The following PKHD1L1 variants were observed in gnomAD, a reference collection of about 807,000 sequenced individuals.
PKHD1L1 encodes PKHD1 like 1.
A neutral mutation model predicts 462.9 loss-of-function variants in PKHD1L1; 434 were observed. The observed-to-expected ratio is 0.94, with a 90% CI of 0.87 to 1.02. PKHD1L1 has a LOEUF of 1.02. Among genes scored for constraint, PKHD1L1 ranks in the 50% least tolerant of loss-of-function variants. PKHD1L1 has a pLI of 0.00. For synonymous variants in PKHD1L1, 1,781 were observed against 1,750.0 expected, an observed-to-expected ratio of 1.02 and a Z score of -0.44; for missense variants, 5,202 against 5,096.1, an observed-to-expected ratio of 1.02 and a Z score of -0.63.
At chr8:109,519,212 T>A (rs146942386) in intron 73 of PKHD1L1, among the ~76,000 whole-genome samples, 1 of 152,180 alleles carries the variant, frequency 6.6e-6, no homozygotes, top group East Asian at 1.9e-4. Flanking sequence ...TCTGTGTCCC[T>A]CACTTCCTAT....
chr8:109,464,997 T>C lies in PKHD1L1; in HGVS notation c.8165T>C (p.Phe2722Ser). 1 of 1,613,812 alleles carries C rather than the reference T, an allele frequency of 6.2e-7. No individual in the cohort carries two copies. The highest frequency in any genetic ancestry group is 1.6e-4 in the Middle Eastern group (1 of 6,062). Residue 2722 changes from phenylalanine to serine, a missense_variant, in exon 49 of 78, where the codon TTT (phenylalanine) becomes TCT (serine). This residue lies in a region of PKHD1L1 where 4,497 missense variants were observed against 4,336.8 expected (regional missense o/e 1.04). Transcript: ENST00000378402. ...HLDELGMGSA[F>S]CTAKGLVLPF... ...GATGAACTGGGAATGGGGTCTGCAT[T>C]TTGCACAGCAAAAGGCCTGGTTCTC...
intron 24 of PKHD1L1, among the ~76,000 whole-genome samples, chr8:109,426,635 G>C (rs934842913): frequency 1.3e-5 from 2 of 151,996 alleles, no homozygotes; most frequent in Admixed American, 6.6e-5. Context: ...GATGAAATTG[G>C]TTTGTGAATA....
At position 109,515,155 on chromosome 8, in the gene PKHD1L1, T is replaced by C; in HGVS notation, c.11554-15T>C. 1.3e-6 allele frequency: 2 copies of C among 1,522,918 alleles called. No individual in the cohort carries two copies. Among genetic ancestry groups the C allele is most frequent in the African/African-American group, 1.4e-5 (1 of 70,988 alleles). 94.3% of individuals were successfully genotyped at this position (1,522,918 alleles called of 1,614,324 possible). A position where few individuals can be genotyped will look rare whatever the true frequency, so the allele number is the denominator to read the frequency against. ...CTATTTTGTTGCTTTCTTAAAACTT[T>C]TTTTTCTTTAATAGGCTGTTCTAGT... On this transcript the variant is annotated splice_polypyrimidine_tract_variant and intron_variant, in intron 71 of 77. Coordinates refer to ENST00000378402, the MANE Select transcript of PKHD1L1 (RefSeq NM_177531.6).
intron 30 of PKHD1L1, among the ~76,000 whole-genome samples, chr8:109,437,273 A>G (rs1815475196): frequency 6.6e-6 from 1 of 152,226 alleles, no homozygotes; most frequent in African/African-American, 2.4e-5. Context: ...TTTCAGTTTC[A>G]CAAAAAAAGT....
intron 63 of PKHD1L1, among the ~76,000 whole-genome samples, chr8:109,494,804 A>G (rs1645043078): frequency 6.6e-6 from 1 of 151,876 alleles, no homozygotes; most frequent in South Asian, 2.1e-4. Flanking sequence ...TTTTTAAATA[A>G]CCTCTATATT....
intron 28 of PKHD1L1, among the ~76,000 whole-genome samples, chr8:109,433,964 G>A (rs745835108): frequency 2.4e-4 from 37 of 152,216 alleles, no homozygotes; most frequent in Non-Finnish European, 4.9e-4. Context: ...CCTTTGCAGG[G>A]ACATGGATGA....
chr8:109,385,736 C>T, intron 6 of PKHD1L1, 106 bp downstream of exon 6: 1 of 642,092 alleles, frequency 1.6e-6, no homozygotes, highest in Non-Finnish European at 2.4e-6. Context: ...TGTAATATAA[C>T]TAACCAGTGT....
At chr8:109,459,962 T>C (rs1586560883) in intron 47 of PKHD1L1, 126 bp downstream of exon 47, 1 of 779,600 alleles carries the variant, frequency 1.3e-6, no homozygotes, top group Non-Finnish European at 1.8e-6. Flanking sequence ...AATTTAATGA[T>C]ATTAATCTTA....
At chr8:109,415,033 T>A (rs1281512404) in intron 21 of PKHD1L1, among the ~76,000 whole-genome samples, 2 of 151,224 alleles carry the variant, frequency 1.3e-5, no homozygotes, top group African/African-American at 4.9e-5. Flanking sequence ...GGTCTGATTC[T>A]GTCACCGTGG....
In PKHD1L1 at chr8:109,479,580, C is replaced by T. The variant is rs1007874311; in HGVS notation, c.9119C>T (p.Ser3040Leu). 1.3e-6 allele frequency: 2 copies of T among 1,533,404 alleles called. No individual in the cohort carries two copies. The highest frequency in any genetic ancestry group is 4.5e-5 in the East Asian group (2 of 44,020). 95.0% of individuals were successfully genotyped at this position (1,533,404 alleles called of 1,614,324 possible). A position where few individuals can be genotyped will look rare whatever the true frequency, so the allele number is the denominator to read the frequency against. The change falls in exon 54 of 78, where the codon TCA becomes TTA. Residue 3040 changes from serine (S) to leucine (L), a missense_variant. By Grantham distance (145) the Ser-to-Leu change is moderately radical (BLOSUM62 -2). This residue lies in a region of PKHD1L1 where 4,497 missense variants were observed against 4,336.8 expected (regional missense o/e 1.04). Transcript: ENST00000378402. ...NLWSNDSFWQ[S>L]SRENNYTVPH... ...TGGTCAAATGATTCTTTTTGGCAAT[C>T]ATCACGAGAAAATAATTATACTGTA...
intron 27 of PKHD1L1, among the ~76,000 whole-genome samples, chr8:109,432,247 T>C (rs1480124669): frequency 1.3e-5 from 2 of 152,212 alleles, no homozygotes; most frequent in Non-Finnish European, 2.9e-5. Flanking sequence ...TTTAGTATCT[T>C]GTTTACAAAA....
rs144771532 is a variant in PKHD1L1, at chr8:109,413,555, G to T, written c.2360+10G>T. The T allele has an allele frequency of 6.7e-7, 1 of 1,495,090 alleles. No homozygotes were observed. The highest frequency in any genetic ancestry group is 1.4e-5 in the South Asian group (1 of 70,522). The allele number at this position is 1,495,090 out of a possible 1,614,324, so 92.6% of individuals were successfully genotyped here. A position where few individuals can be genotyped will look rare whatever the true frequency, so the allele number is the denominator to read the frequency against. On this transcript the variant is annotated intron_variant, in intron 21 of 77. Coordinates refer to ENST00000378402, the MANE Select transcript of PKHD1L1 (RefSeq NM_177531.6). ...TTGCTTATGGAAACAAGTAAGTTAC[G>T]CTATGAATTTGAAAATTACATTATA... is the stretch of plus-strand genomic sequence containing the variant.
chr8:109,499,510 A>T (rs1180507903), intron 67 of PKHD1L1, among the ~76,000 whole-genome samples: 1 of 151,564 alleles, frequency 6.6e-6, no homozygotes, highest in Non-Finnish European at 1.5e-5. Context: ...ATTGTATAAC[A>T]TGCTACATAG....
At chr8:109,373,600 G>A (rs899298549) in intron 2 of PKHD1L1, among the ~76,000 whole-genome samples, 2 of 152,132 alleles carry the variant, frequency 1.3e-5, no homozygotes, top group Admixed American at 1.3e-4. Flanking sequence ...TAATGTTAGG[G>A]TGTCAATTTT....
chr8:109,483,200 T>G, intron 57 of PKHD1L1, 95 bp downstream of exon 57: 1 of 828,134 alleles, frequency 1.2e-6, no homozygotes, highest in Non-Finnish European at 1.7e-6. Context: ...CATTTTCTCA[T>G]GTGATTAACC....
At position 109,522,218 on chromosome 8, in the gene PKHD1L1, G is replaced by T; in HGVS notation, c.12064G>T (p.Ala4022Ser). Residue 4022 changes from alanine (A) to serine (S), a missense_variant, in exon 74 of 78, where the codon GCT becomes TCT. Around this residue, in one of 3 missense-constraint regions of PKHD1L1, gnomAD observed 698 missense variants for 736.3 expected, o/e 0.95. Transcript: ENST00000378402. Reference protein sequence around the residue: ...QMQLSELQEIAGSLGQAVILG... With the variant: ...QMQLSELQEISGSLGQAVILG... ...GCAGTTATCTGAACTCCAGGAAATT[G>T]CTGGTTCTCTTGGACAAGCTGTAAT... 2 of 1,604,400 alleles carry T rather than the reference G, an allele frequency of 1.2e-6. No individual in the cohort carries two copies. The highest frequency in any genetic ancestry group is 1.7e-6 in the Non-Finnish European group (2 of 1,172,320).
At chr8:109,507,268 C>T (rs1254184736) in intron 68 of PKHD1L1, among the ~76,000 whole-genome samples, 2 of 151,928 alleles carry the variant, frequency 1.3e-5, no homozygotes, top group Non-Finnish European at 2.9e-5. Flanking sequence ...TAAAGACTTC[C>T]CTGCCAACAC....
In PKHD1L1 at chr8:109,454,856, C is replaced by T; in HGVS notation, c.6874+4C>T. ...GAGGGAATCCTGGATCTGCACGGTACTGTGGCCAAGTGGCTAAGGGAGTTG... is the reference window on the plus strand; with the variant it reads ...GAGGGAATCCTGGATCTGCACGGTATTGTGGCCAAGTGGCTAAGGGAGTTG... On this transcript the variant is annotated splice_donor_region_variant and intron_variant, in intron 45 of 77. Transcript: ENST00000378402. The T allele has an allele frequency of 6.2e-7, 1 of 1,611,626 alleles. No individual in the cohort carries two copies. Among genetic ancestry groups the T allele is most frequent in the Non-Finnish European group, 8.5e-7 (1 of 1,178,790 alleles).
intron 36 of PKHD1L1, among the ~76,000 whole-genome samples, chr8:109,443,410 C>A (rs191112771): frequency 6.6e-6 from 1 of 152,116 alleles, no homozygotes; most frequent in Non-Finnish European, 1.5e-5. Context: ...TGTAAGATGA[C>A]GTTGTTATTT....
Sources: allele counts gnomAD v4.1 joint callset (sites outside exome capture counted in the v4.1 genomes callset), GRCh38; gene constraint gnomAD v4.1.1; regional missense constraint gnomAD v4.1.1; transcripts MANE v1.5; gene names NCBI Gene and HGNC (gene_info 2026-07-23, HGNC 2026-07-21).